Variants in SGCZ observed in about 807,000 individuals in gnomAD.
SGCZ encodes the protein zeta-sarcoglycan.
A neutral mutation model predicts 41.3 loss-of-function variants in SGCZ; 40 were observed. The ratio of observed to expected loss-of-function variants is 0.97; its 90% CI spans 0.75 to 1.26. The LOEUF is 1.26. Among genes scored for constraint, SGCZ ranks in the 50% most tolerant of loss-of-function variants. The probability of loss-of-function intolerance (pLI) is 0.00; values close to 1 mark genes in which losing one functional copy is unlikely to be tolerated. For missense variants in SGCZ, 552 were observed against 369.8 expected (o/e 1.49, Z -4.04); for synonymous variants, 206 against 137.5 (o/e 1.50, Z -3.49).
chr8:14,239,359 T>A (rs939690145), intron 3 of SGCZ, among the ~76,000 whole-genome samples: 1 of 152,058 alleles, frequency 6.6e-6, no homozygotes, highest in Non-Finnish European at 1.5e-5. Flanking sequence ...CATTTGAATA[T>A]TTGAATGTAA....
intron 1 of SGCZ, among the ~76,000 whole-genome samples, chr8:14,989,893 G>A (rs1174299664): frequency 6.6e-6 from 1 of 152,180 alleles, no homozygotes; most frequent in African/African-American, 2.4e-5. Context: ...GAGAATGTGT[G>A]GTACAGAGAC....
chr8:14,200,448 T>G (rs1207927791), intron 4 of SGCZ, among the ~76,000 whole-genome samples: 1 of 152,104 alleles, frequency 6.6e-6, no homozygotes, highest in Non-Finnish European at 1.5e-5. Context: ...TCTAACCAAT[T>G]TCATGGCTCA....
chr8:14,784,976 ATT>A (rs1268794462), intron 1 of SGCZ, among the ~76,000 whole-genome samples: 3 of 140,784 alleles, frequency 2.1e-5, no homozygotes, highest in East Asian at 2.0e-4. Context: ...TAATATATAT[ATT>A]TTTTATATAT....
chr8:14,313,714 A>G (rs1479459271), intron 3 of SGCZ, among the ~76,000 whole-genome samples: 2 of 152,190 alleles, frequency 1.3e-5, no homozygotes, highest in South Asian at 2.1e-4. Context: ...AATATTGACT[A>G]GCATCTCAGC....
At chr8:14,325,247 G>A (rs1802053130) in intron 2 of SGCZ, among the ~76,000 whole-genome samples, 1 of 151,914 alleles carries the variant, frequency 6.6e-6, no homozygotes, top group Non-Finnish European at 1.5e-5. Flanking sequence ...AGTAGTTTGA[G>A]GAATATGGTG....
At chr8:14,819,269 G>A (rs1801999840) in intron 1 of SGCZ, among the ~76,000 whole-genome samples, 2 of 152,180 alleles carry the variant, frequency 1.3e-5, no homozygotes, top group Admixed American at 6.5e-5. Flanking sequence ...AGAATGGAAT[G>A]AAGAGCTGAG....
intron 2 of SGCZ, among the ~76,000 whole-genome samples, chr8:14,546,890 A>C (rs1394599446): frequency 6.6e-6 from 1 of 152,150 alleles, no homozygotes; most frequent in Non-Finnish European, 1.5e-5. Context: ...CTTGTTCATC[A>C]GTGTGACCTT....
At chr8:14,540,724 T>C (rs1170389209) in intron 2 of SGCZ, among the ~76,000 whole-genome samples, 1 of 151,944 alleles carries the variant, frequency 6.6e-6, no homozygotes. Context: ...AGGATAGTAG[T>C]CATTTGTAAG....
intron 1 of SGCZ, among the ~76,000 whole-genome samples, chr8:14,856,052 C>G (rs1477807432): frequency 6.6e-6 from 1 of 152,036 alleles, no homozygotes; most frequent in Non-Finnish European, 1.5e-5. Flanking sequence ...CGTTTATAAC[C>G]CTATGACTAA....
intron 3 of SGCZ, among the ~76,000 whole-genome samples, chr8:14,253,898 T>C (rs1481596729): frequency 6.7e-6 from 1 of 150,368 alleles, no homozygotes; most frequent in Non-Finnish European, 1.5e-5. Flanking sequence ...TTCAAAAATC[T>C]TTTTTACATG....
At chr8:14,446,772 ATACTAAAG>A (rs1278368371) in intron 2 of SGCZ, among the ~76,000 whole-genome samples, 2 of 152,210 alleles carry the variant, frequency 1.3e-5, no homozygotes, top group Non-Finnish European at 2.9e-5. Context: ...ACCCTGGTAT[ATACTAAAG>A]TACTAAACAA....
intron 1 of SGCZ, among the ~76,000 whole-genome samples, chr8:14,847,149 A>AGAC (rs1803153449): frequency 7.1e-6 from 1 of 140,490 alleles, no homozygotes; most frequent in South Asian, 2.1e-4. Context: ...AAGAAGAAGA[A>AGAC]GAAGAAGAAG....
At chr8:15,235,830 T>C (rs1267630898) in intron 1 of SGCZ, among the ~76,000 whole-genome samples, 1 of 152,180 alleles carries the variant, frequency 6.6e-6, no homozygotes, top group Non-Finnish European at 1.5e-5. Flanking sequence ...ATAATCTGGA[T>C]ACTCCACCTC....
chr8:14,148,238 G>T (rs1328279769), intron 5 of SGCZ, among the ~76,000 whole-genome samples: 2 of 151,494 alleles, frequency 1.3e-5, no homozygotes, highest in Non-Finnish European at 2.9e-5. Context: ...TTTTTAAAAA[G>T]TACAAAATAT....
chr8:14,766,894 G>T (rs1800054145), intron 1 of SGCZ, among the ~76,000 whole-genome samples: 1 of 151,182 alleles, frequency 6.6e-6, no homozygotes, highest in Non-Finnish European at 1.5e-5. Context: ...ACTTTTAATA[G>T]AATTTTTATT....
Position 14,281,575 on chromosome 8 carries a change from A to G in SGCZ, c.336+42528T>C, listed in dbSNP as rs572534724. ...AAAGGTTTGGGGGCCTCCAATTTATAGACCATCTAGTGATAAAATCTAAAC... is the reference window on the plus strand; with the variant it reads ...AAAGGTTTGGGGGCCTCCAATTTATGGACCATCTAGTGATAAAATCTAAAC... On this transcript the variant is annotated intron_variant, in intron 3 of 7. Transcript: ENST00000382080. Among the ~76,000 whole-genome samples, 10 of 152,178 alleles carry G rather than the reference A, an allele frequency of 6.6e-5. No individual in the cohort carries two copies. The East Asian group carries it at 1.7e-3, about 26-fold the overall frequency.
intron 1 of SGCZ, among the ~76,000 whole-genome samples, chr8:14,598,940 CT>C (rs1805500609): frequency 6.6e-6 from 1 of 152,084 alleles, no homozygotes; most frequent in Non-Finnish European, 1.5e-5. Context: ...CTTGTTTTGT[CT>C]TTTTATTTTT....
At chr8:14,549,007 G>T (rs951324036) in intron 2 of SGCZ, among the ~76,000 whole-genome samples, 9 of 152,076 alleles carry the variant, frequency 5.9e-5, no homozygotes, top group Non-Finnish European at 7.4e-5. Flanking sequence ...TAGAGGGGTT[G>T]TAAAGAAGTG....
intron 1 of SGCZ, among the ~76,000 whole-genome samples, chr8:14,958,923 T>A (rs1329977609): frequency 6.6e-6 from 1 of 152,118 alleles, no homozygotes; most frequent in East Asian, 1.9e-4. Context: ...CTGTGTTTGA[T>A]AGACAGATTC....
Sources: allele counts gnomAD v4.1 joint callset (sites outside exome capture counted in the v4.1 genomes callset), GRCh38; gene constraint gnomAD v4.1.1; transcripts MANE v1.5; gene names NCBI Gene and HGNC (gene_info 2026-07-23, HGNC 2026-07-21).